Variants in GHR observed in about 807,000 individuals in gnomAD.
GHR encodes growth hormone receptor, also known as GH receptor.
GHR carries 35 observed loss-of-function variants against 67.1 expected under a neutral mutation model. That is an observed-to-expected ratio of 0.52 (90% CI 0.40 to 0.69). The LOEUF is 0.69. Among genes scored for constraint, GHR ranks in the 30% least tolerant of loss-of-function variants. The pLI, the probability that GHR is intolerant of heterozygous loss-of-function variation, is 0.00. For synonymous variants in GHR, 272 were observed against 269.1 expected, an observed-to-expected ratio of 1.01 and a Z score of -0.10; for missense variants, 792 against 764.6, an observed-to-expected ratio of 1.04 and a Z score of -0.42.
intron 1 of GHR, among the ~76,000 whole-genome samples, chr5:42,476,785 G>A (rs528099136): frequency 6.6e-6 from 1 of 152,130 alleles, no homozygotes; most frequent in Admixed American, 6.5e-5. Context: ...ACCTCTAATA[G>A]TCTATCAGTA....
chr5:42,716,168 TCA>T (rs771373447), intron 8 of GHR, among the ~76,000 whole-genome samples: 96 of 147,250 alleles, frequency 6.5e-4, no homozygotes, highest in Middle Eastern at 3.6e-3. Context: ...AGATGCAGAA[TCA>T]AAAAAAAAAA....
chr5:42,559,671 C>A (rs1749497303), intron 1 of GHR, among the ~76,000 whole-genome samples: 1 of 152,240 alleles, frequency 6.6e-6, no homozygotes, highest in Non-Finnish European at 1.5e-5. Flanking sequence ...TCCCATCCTG[C>A]ATTCCCTGCT....
intron 3 of GHR, among the ~76,000 whole-genome samples, chr5:42,644,710 C>A: frequency 6.6e-6 from 1 of 150,856 alleles, no homozygotes; most frequent in Non-Finnish European, 1.5e-5. Flanking sequence ...TGGGTGAAAG[C>A]ATATCATTAA....
At chr5:42,623,466 AT>A in intron 2 of GHR, among the ~76,000 whole-genome samples, 1 of 152,286 alleles carries the variant, frequency 6.6e-6, no homozygotes, top group Non-Finnish European at 1.5e-5. Context: ...CCATCCATGC[AT>A]TCCCAACACA....
intron 5 of GHR, among the ~76,000 whole-genome samples, chr5:42,699,127 C>A (rs114549106): frequency 2.0e-3 from 309 of 152,274 alleles, no homozygotes; most frequent in Admixed American, 3.8e-3. Flanking sequence ...AAGAAAATAT[C>A]ACATGTGGCT....
intron 1 of GHR, among the ~76,000 whole-genome samples, chr5:42,504,421 G>T (rs942628831): frequency 6.6e-6 from 1 of 152,092 alleles, no homozygotes; most frequent in Non-Finnish European, 1.5e-5. Flanking sequence ...CCCTCATAAT[G>T]ATCTTCTACC....
chr5:42,608,759 T>C (rs1752748474), intron 2 of GHR, among the ~76,000 whole-genome samples: 1 of 152,138 alleles, frequency 6.6e-6, no homozygotes, highest in Non-Finnish European at 1.5e-5. Flanking sequence ...AAATGAGACA[T>C]GCTACCACAT....
intron 2 of GHR, among the ~76,000 whole-genome samples, chr5:42,611,410 CT>C (rs1752885175): frequency 6.6e-6 from 1 of 152,116 alleles, no homozygotes; most frequent in African/African-American, 2.4e-5. Flanking sequence ...ATATTTGCTC[CT>C]TTCTAAATTA....
At position 42,587,665 on chromosome 5, in the gene GHR, T is replaced by C. The variant is rs961165965; in HGVS notation, c.70+21721T>C. Among the ~76,000 whole-genome samples, 11 of 152,120 alleles carry C rather than the reference T, an allele frequency of 7.2e-5. 1 individual carries two copies. In the East Asian group the frequency reaches 1.7e-3, roughly 24 times the overall value. On this transcript the variant is annotated intron_variant, in intron 2 of 9. Transcript: ENST00000230882. ...GTGAACTTGGGGAAAGATTTGGGGT[T>C]TTTTTTGTTTTTTTTTTGTTTTTTT...
intron 2 of GHR, among the ~76,000 whole-genome samples, chr5:42,596,813 G>C (rs1380821863): frequency 6.6e-6 from 1 of 152,136 alleles, no homozygotes; most frequent in Non-Finnish European, 1.5e-5. Context: ...TTGGATGCCA[G>C]CTTCCAAGAA....
chr5:42,497,616 T>C (rs1208900226), intron 1 of GHR, among the ~76,000 whole-genome samples: 1 of 152,180 alleles, frequency 6.6e-6, no homozygotes, highest in African/African-American at 2.4e-5. Flanking sequence ...ACAAGGGCAT[T>C]GTTTAGTAGT....
Position 42,560,489 on chromosome 5 carries a change from G to A in GHR, c.-11-5375G>A, listed in dbSNP as rs1247879969. ...TTACAGGTGTAAGCCACCACGCCTG[G>A]CCAATACACTTTTAATATAATTTTT... is the stretch of plus-strand genomic sequence containing the variant. On this transcript the variant is annotated intron_variant, in intron 1 of 9. Transcript: ENST00000230882. 2.6e-5 allele frequency among the ~76,000 whole-genome samples: 4 copies of A among 152,166 alleles called. No individual in the cohort carries two copies. The South Asian group carries it at 8.3e-4, about 32-fold the overall frequency.
At chr5:42,589,883 G>A (rs1751682707) in intron 2 of GHR, among the ~76,000 whole-genome samples, 1 of 152,178 alleles carries the variant, frequency 6.6e-6, no homozygotes, top group Non-Finnish European at 1.5e-5. Context: ...TTAAGTTCAG[G>A]TAGACAGAGA....
chr5:42,450,939 G>A (rs895886001), intron 1 of GHR, among the ~76,000 whole-genome samples: 1 of 152,094 alleles, frequency 6.6e-6, no homozygotes, highest in Non-Finnish European at 1.5e-5. Context: ...CTATAGTTTT[G>A]AAGGTTTCTT....
chr5:42,525,436 T>C (rs1052667449), intron 1 of GHR, among the ~76,000 whole-genome samples: 6 of 152,226 alleles, frequency 3.9e-5, no homozygotes, highest in Non-Finnish European at 7.4e-5. Flanking sequence ...ATTTACCCAA[T>C]ACCTGTTGTA....
intron 1 of GHR, among the ~76,000 whole-genome samples, chr5:42,487,211 A>G (rs1414222971): frequency 6.6e-6 from 1 of 152,184 alleles, no homozygotes; most frequent in Non-Finnish European, 1.5e-5. Context: ...TCTGATAATC[A>G]CTTACACTTT....
intron 1 of GHR, among the ~76,000 whole-genome samples, chr5:42,525,799 T>A (rs777454794): frequency 1.8e-4 from 28 of 152,208 alleles, no homozygotes; most frequent in Non-Finnish European, 3.7e-4. Flanking sequence ...TCCTGAGATC[T>A]GAGGGGTTTA....
intron 1 of GHR, among the ~76,000 whole-genome samples, chr5:42,477,782 AG>A (rs1745408841): frequency 1.3e-5 from 2 of 152,094 alleles, no homozygotes; most frequent in Admixed American, 1.3e-4. Flanking sequence ...TCTGCATATT[AG>A]CCCTTTGTCA....
intron 3 of GHR, among the ~76,000 whole-genome samples, chr5:42,658,858 T>A (rs991293913): frequency 6.6e-6 from 1 of 151,914 alleles, no homozygotes; most frequent in African/African-American, 2.4e-5. Context: ...GCCTAGGGAG[T>A]CCATTACTTC....
Sources: allele counts gnomAD v4.1 joint callset (sites outside exome capture counted in the v4.1 genomes callset), GRCh38; gene constraint gnomAD v4.1.1; transcripts MANE v1.5; gene names NCBI Gene and HGNC (gene_info 2026-07-23, HGNC 2026-07-21).